C1QTNF3: variants seen among roughly 807,000 people sequenced by gnomAD.
The protein encoded by C1QTNF3 is C1q and TNF related 3.
A neutral mutation model predicts 32.6 loss-of-function variants in C1QTNF3; 26 were observed. The ratio of observed to expected loss-of-function variants is 0.80; its 90% CI spans 0.58 to 1.11. C1QTNF3 has a LOEUF of 1.11. Among genes scored for constraint, C1QTNF3 ranks in the 50% least tolerant of loss-of-function variants. The pLI is 0.00. For missense variants in C1QTNF3, 362 were observed against 398.2 expected, an observed-to-expected ratio of 0.91 and a Z score of 0.77; for synonymous variants, 155 against 146.0, an observed-to-expected ratio of 1.06 and a Z score of -0.44.
the C1QTNF3 span, chr5:34,219,785 T>C: frequency 6.6e-6 from 1 of 152,082 alleles, no homozygotes; most frequent in Admixed American, 6.6e-5. Flanking sequence ...AGGCAAAACT[T>C]GTGGATGTTC....
chr5:34,226,741 C>T, the C1QTNF3 span, among the ~76,000 whole-genome samples: 1 of 151,702 alleles, frequency 6.6e-6, no homozygotes. Flanking sequence ...ACTGGACAAT[C>T]CTTAACACAT....
chr5:34,177,629 G>C, the C1QTNF3 span, among the ~76,000 whole-genome samples: 18 of 151,916 alleles, frequency 1.2e-4, no homozygotes, highest in East Asian at 1.5e-3. Context: ...TGGGATTACA[G>C]GTACATGCCA....
At chr5:34,056,450 GTGTGTA>G in the C1QTNF3 span, among the ~76,000 whole-genome samples, 16 of 48,636 alleles carry the variant, frequency 3.3e-4, no homozygotes, top group African/African-American at 1.2e-3. Flanking sequence ...GTGTGTGTGT[GTGTGTA>G]TATATATATA....
chr5:34,100,080 A>C, the C1QTNF3 span, among the ~76,000 whole-genome samples: 1 of 151,502 alleles, frequency 6.6e-6, no homozygotes, highest in Non-Finnish European at 1.5e-5. Flanking sequence ...TGGGAAGTCC[A>C]ATGTCCAACC....
At chr5:34,033,141 A>G in intron 3 of C1QTNF3, 163 bp downstream of exon 3, 1 of 727,342 alleles carries the variant, frequency 1.4e-6, no homozygotes, top group Non-Finnish European at 2.3e-6. Flanking sequence ...TTTGGACAGT[A>G]TGGGCCTTAT....
chr5:34,022,043 G>A (rs1042138076), intron 5 of C1QTNF3, among the ~76,000 whole-genome samples: 2 of 152,198 alleles, frequency 1.3e-5, no homozygotes, highest in African/African-American at 4.8e-5. Context: ...AGGCCTCAGG[G>A]TAACTCCATT....
the C1QTNF3 span, among the ~76,000 whole-genome samples, chr5:34,237,356 T>C: frequency 6.6e-6 from 1 of 152,230 alleles, no homozygotes; most frequent in Non-Finnish European, 1.5e-5. Context: ...TTTAAAGAGA[T>C]GTTAAAATTT....
chr5:34,104,815 G>A, the C1QTNF3 span, among the ~76,000 whole-genome samples: 1 of 149,574 alleles, frequency 6.7e-6, no homozygotes, highest in Non-Finnish European at 1.5e-5. Flanking sequence ...GGGATTACAG[G>A]CGCAAGCCAC....
chr5:34,211,099 T>C, the C1QTNF3 span, among the ~76,000 whole-genome samples: 1 of 151,146 alleles, frequency 6.6e-6, no homozygotes, highest in Non-Finnish European at 1.5e-5. Flanking sequence ...GAAACATCAC[T>C]CTATATTGTA....
chr5:34,227,125 G>C, the C1QTNF3 span, among the ~76,000 whole-genome samples: 1 of 149,276 alleles, frequency 6.7e-6, no homozygotes, highest in Non-Finnish European at 1.5e-5. Context: ...AGAAACATGA[G>C]AGAACACTTT....
chr5:34,078,926 CT>C, the C1QTNF3 span, among the ~76,000 whole-genome samples: 1 of 151,528 alleles, frequency 6.6e-6, no homozygotes, highest in African/African-American at 2.4e-5. This position sits in a 1 kb window ranked among gnomAD's most constrained non-coding sequence, Gnocchi z 4.0. Flanking sequence ...TCATCATCTC[CT>C]TCTGCCCCAA....
chr5:34,166,035 G>C, the C1QTNF3 span: 1 of 148,258 alleles, frequency 6.7e-6, no homozygotes, highest in African/African-American at 2.5e-5. Flanking sequence ...ACTCTGAAAA[G>C]CTGTCTACAT....
the C1QTNF3 span, chr5:34,175,897 C>T: frequency 1.0e-3 from 833 of 811,350 alleles, 8 homozygotes; most frequent in African/African-American, 0.013. Flanking sequence ...TGATTGAGAC[C>T]CAGATGGTAC....
the C1QTNF3 span, among the ~76,000 whole-genome samples, chr5:34,105,541 A>C: frequency 6.6e-6 from 1 of 152,030 alleles, no homozygotes; most frequent in African/African-American, 2.4e-5. Flanking sequence ...TAAATGTCTT[A>C]TGAGAGACTC....
At chr5:34,056,479 T>TATATATATATATATAG in the C1QTNF3 span, among the ~76,000 whole-genome samples, 2 of 51,756 alleles carry the variant, frequency 3.9e-5, no homozygotes, top group Non-Finnish European at 6.7e-5. Flanking sequence ...TATATATATA[T>TATATATATATATATAG]AGAGAGAGAG....
the C1QTNF3 span, among the ~76,000 whole-genome samples, chr5:34,109,645 T>C: frequency 1.3e-5 from 2 of 152,142 alleles, no homozygotes; most frequent in African/African-American, 2.4e-5. Flanking sequence ...TTTCATAAGA[T>C]AGACACTTAT....
chr5:34,126,201 C>T, the C1QTNF3 span, among the ~76,000 whole-genome samples: 1 of 152,076 alleles, frequency 6.6e-6, no homozygotes, highest in African/African-American at 2.4e-5. Context: ...TATAAATTAT[C>T]CACATGAAGT....
chr5:34,158,813 C>G, the C1QTNF3 span: 5 of 151,858 alleles, frequency 3.3e-5, no homozygotes, highest in Admixed American at 2.0e-4. Flanking sequence ...TACTAAAAAA[C>G]AAAGAAATAA....
chr5:34,105,503 T>A, the C1QTNF3 span, among the ~76,000 whole-genome samples: 1 of 151,868 alleles, frequency 6.6e-6, no homozygotes, highest in African/African-American at 2.4e-5. Flanking sequence ...CTTCTGCATA[T>A]GGAAAAAGAT....
Sources: gnomAD v4.1 joint callset for allele counts (sites outside exome capture counted in the v4.1 genomes callset) on GRCh38, gnomAD v4.1.1 for gene constraint, Gnocchi (gnomAD v3.1) non-coding constraint, MANE v1.5 for transcripts, NCBI Gene and HGNC (gene_info 2026-07-23, HGNC 2026-07-21) for gene names.